Variants in IL1RAPL2 observed in about 807,000 individuals in gnomAD.
The protein encoded by IL1RAPL2 is X-linked interleukin-1 receptor accessory protein-like 2.
Under a neutral mutation model 44.1 loss-of-function variants are expected in IL1RAPL2, and 3 were observed. That is an observed-to-expected ratio of 0.07 (90% CI 0.03 to 0.18). The LOEUF is 0.18. IL1RAPL2 is among the 10% of genes least tolerant of loss of function. The pLI is 1.00. For synonymous variants in IL1RAPL2, 181 were observed against 178.8 expected (o/e 1.01, Z -0.10); for missense variants, 391 against 496.4 (o/e 0.79, Z 2.02).
chrX:105,574,805 T>C (rs2037039095), intron 6 of IL1RAPL2, among the ~76,000 whole-genome samples: 1 of 111,415 alleles, frequency 9.0e-6, no homozygotes. Flanking sequence ...CCTTTTTTTT[T>C]CTCTATAGCA....
chrX:105,227,115 A>G (rs2147631884), intron 3 of IL1RAPL2, among the ~76,000 whole-genome samples: 1 of 106,344 alleles, frequency 9.4e-6, no homozygotes, highest in South Asian at 4.7e-4. Flanking sequence ...AGATGTACCT[A>G]ATGCTAAATG....
intron 5 of IL1RAPL2, among the ~76,000 whole-genome samples, chrX:105,455,070 A>G (rs984619953): frequency 8.9e-6 from 1 of 112,089 alleles, no homozygotes; most frequent in Non-Finnish European, 1.9e-5. Context: ...AAAAAGTACA[A>G]TAATTATCCT....
intron 6 of IL1RAPL2, among the ~76,000 whole-genome samples, chrX:105,541,654 A>G (rs2036736439): frequency 9.0e-6 from 1 of 110,718 alleles, no homozygotes; most frequent in Non-Finnish European, 1.9e-5. Context: ...GTCTGCCCCT[A>G]CTTTGCATTC....
At chrX:105,406,302 C>T (rs1394539298) in intron 5 of IL1RAPL2, 4 of 1,039,524 alleles carry the variant, frequency 3.8e-6, no homozygotes, top group Non-Finnish European at 5.4e-6. Context: ...GACCGAAGTC[C>T]TGAGTACTTT....
At chrX:105,314,307 T>C (rs753956288) in intron 5 of IL1RAPL2, among the ~76,000 whole-genome samples, 1 of 110,557 alleles carries the variant, frequency 9.0e-6, no homozygotes, top group Non-Finnish European at 1.9e-5. Flanking sequence ...TCACTAATAT[T>C]GGTGGTATTT....
At chrX:104,855,875 GC>G (rs1454528838) in intron 2 of IL1RAPL2, among the ~76,000 whole-genome samples, 9 of 108,086 alleles carry the variant, frequency 8.3e-5, no homozygotes, top group African/African-American at 3.0e-4. Flanking sequence ...TCACCATGTT[GC>G]CCATGCTGAT....
intron 2 of IL1RAPL2, among the ~76,000 whole-genome samples, chrX:104,892,461 A>G (rs1177325705): frequency 3.6e-5 from 4 of 111,272 alleles, no homozygotes; most frequent in Non-Finnish European, 7.5e-5. Context: ...TATTACCTCA[A>G]TTTCAGAGAC....
chrX:105,284,190 A>C lies in IL1RAPL2; in HGVS notation c.697+16649A>C, dbSNP rs6621957. On this transcript the variant is annotated intron_variant, in intron 5 of 10. Coordinates refer to ENST00000372582, the MANE Select transcript of IL1RAPL2 (RefSeq NM_017416.2). ...TAGTACAGGCCCCAATTTATAGATA[A>C]AGGAACTCAAACTTGAGAAGTTACA... Among the ~76,000 whole-genome samples the C allele has an allele frequency of 4.5e-3, 507 of 111,714 alleles. 4 individuals carry two copies. The highest frequency in any genetic ancestry group is 0.016 in the African/African-American group (480 of 30,784).
At chrX:105,172,536 T>C (rs1157440317) in intron 2 of IL1RAPL2, among the ~76,000 whole-genome samples, 2 of 111,659 alleles carry the variant, frequency 1.8e-5, no homozygotes, top group African/African-American at 6.5e-5. Flanking sequence ...AGCTATGCTC[T>C]ATTCCTAGTT....
intron 1 of IL1RAPL2, among the ~76,000 whole-genome samples, chrX:104,577,064 G>A (rs1022370444): frequency 1.8e-5 from 2 of 111,969 alleles, no homozygotes; most frequent in African/African-American, 6.5e-5. Flanking sequence ...TTTACTTTCA[G>A]ACTTGACTTT....
chrX:104,768,609 G>A (rs1398536789), intron 2 of IL1RAPL2, among the ~76,000 whole-genome samples: 1 of 111,103 alleles, frequency 9.0e-6, no homozygotes, highest in African/African-American at 3.3e-5. Flanking sequence ...GCCAAAACAG[G>A]TGAAGAATAA....
chrX:105,068,733 C>T (rs1459560547), intron 2 of IL1RAPL2, among the ~76,000 whole-genome samples: 3 of 111,784 alleles, frequency 2.7e-5, no homozygotes, highest in Admixed American at 1.9e-4. Flanking sequence ...GTTAGGTTGA[C>T]ATCCAATTAT....
intron 2 of IL1RAPL2, among the ~76,000 whole-genome samples, chrX:104,903,829 T>C (rs2147675441): frequency 9.0e-6 from 1 of 111,512 alleles, no homozygotes; most frequent in East Asian, 2.8e-4. Context: ...TCCGCCAGCC[T>C]CAGCCTCCCA....
Position 105,328,297 on chromosome X carries a change from A to G in IL1RAPL2, c.697+60756A>G, listed in dbSNP as rs73519335. ...CAAAAATATTATCAGTTTTTTTTGA[A>G]AGCCATGGGAGAACCTTACCATTTT... On this transcript the variant is annotated intron_variant, in intron 5 of 10. Coordinates refer to ENST00000372582, the MANE Select transcript of IL1RAPL2 (RefSeq NM_017416.2). 2.7e-3 allele frequency among the ~76,000 whole-genome samples: 302 copies of G among 111,453 alleles called. 1 individual carries two copies. Among genetic ancestry groups the G allele is most frequent in the African/African-American group, 9.4e-3 (289 of 30,791 alleles).
At chrX:105,659,240 G>A (rs778066663) in intron 6 of IL1RAPL2, among the ~76,000 whole-genome samples, 1 of 111,606 alleles carries the variant, frequency 9.0e-6, no homozygotes, top group East Asian at 2.8e-4. Flanking sequence ...GACCAATCCA[G>A]GAGAGACATA....
intron 3 of IL1RAPL2, among the ~76,000 whole-genome samples, chrX:105,212,590 A>G (rs553724301): frequency 1.8e-5 from 2 of 111,884 alleles, no homozygotes; most frequent in Non-Finnish European, 3.8e-5. Flanking sequence ...GCTGATCCTG[A>G]CAAGAGGGAC....
At chrX:105,045,870 AC>A (rs1321164671) in intron 2 of IL1RAPL2, among the ~76,000 whole-genome samples, 1 of 111,326 alleles carries the variant, frequency 9.0e-6, no homozygotes, top group East Asian at 2.8e-4. Context: ...GCACTGCTTG[AC>A]TTTTTAAAGT....
At chrX:105,249,168 A>G (rs988229549) in intron 4 of IL1RAPL2, among the ~76,000 whole-genome samples, 1 of 111,609 alleles carries the variant, frequency 9.0e-6, no homozygotes, top group Non-Finnish European at 1.9e-5. Context: ...CAGCCATAAA[A>G]AAAGAGATTC....
chrX:105,502,068 G>A (rs1341107047), intron 6 of IL1RAPL2, among the ~76,000 whole-genome samples: 2 of 112,064 alleles, frequency 1.8e-5, no homozygotes, highest in Non-Finnish European at 3.8e-5. Context: ...TCCTCTGGGA[G>A]CATCTCTAAG....
Sources: allele counts gnomAD v4.1 joint callset (sites outside exome capture counted in the v4.1 genomes callset), GRCh38; gene constraint gnomAD v4.1.1; transcripts MANE v1.5; gene names NCBI Gene and HGNC (gene_info 2026-07-23, HGNC 2026-07-21).